Variants in FGR observed in about 807,000 individuals in gnomAD.
The protein encoded by FGR is FGR proto-oncogene, Src family tyrosine kinase, also known as tyrosine-protein kinase Fgr.
Under a neutral mutation model 63.2 loss-of-function variants are expected in FGR, and 26 were observed. The ratio of observed to expected loss-of-function variants is 0.41; its 90% confidence interval spans 0.30 to 0.57. FGR has a LOEUF of 0.57. FGR is among the 20% of genes least tolerant of loss of function. The pLI is 0.27. For missense variants in FGR, 511 were observed against 690.8 expected (o/e 0.74, Z 2.92); for synonymous variants, 286 against 277.7 (o/e 1.03, Z -0.30).
chr1:27,621,034 A>G (rs1476228078), intron 5 of FGR, among the ~76,000 whole-genome samples: 3 of 150,604 alleles, frequency 2.0e-5, no homozygotes, highest in Non-Finnish European at 4.4e-5. Context: ...GAAAGAAAGA[A>G]AAGAAAAGAA....
chr1:27,632,566 C>T (rs1033615544), intron 1 of FGR, among the ~76,000 whole-genome samples: 9 of 152,124 alleles, frequency 5.9e-5, no homozygotes, highest in East Asian at 1.9e-4. Flanking sequence ...TGTGCAGGAT[C>T]GGGGGTGGCC....
At chr1:27,621,497 CCT>C in intron 5 of FGR, 60 bp downstream of exon 5, 1 of 1,196,968 alleles carries the variant, frequency 8.4e-7, no homozygotes, top group Non-Finnish European at 1.2e-6. Flanking sequence ...CAAGAGGTGG[CCT>C]TGGAGTCTGG....
chr1:27,613,824 T>A (rs1392175077), intron 11 of FGR, among the ~76,000 whole-genome samples: 2 of 151,982 alleles, frequency 1.3e-5, no homozygotes, highest in African/African-American at 4.8e-5. Context: ...CAACACCTAC[T>A]ATGTGTCTAG....
chr1:27,631,969 T>C (rs954996937), intron 1 of FGR, among the ~76,000 whole-genome samples: 7 of 152,030 alleles, frequency 4.6e-5, no homozygotes, highest in Admixed American at 3.9e-4. Context: ...CATCCCACTG[T>C]GCCGCATCTC....
chr1:27,618,323 C>A (rs1387272182), intron 5 of FGR, among the ~76,000 whole-genome samples: 1 of 152,168 alleles, frequency 6.6e-6, no homozygotes, highest in Non-Finnish European at 1.5e-5. Context: ...TAATAACACA[C>A]ATATTTCGTG....
intron 1 of FGR, among the ~76,000 whole-genome samples, chr1:27,633,899 C>T (rs2090140898): frequency 6.6e-6 from 1 of 152,152 alleles, no homozygotes; most frequent in Admixed American, 6.5e-5. Flanking sequence ...GAAGAGTGGA[C>T]ACAAGGATCA....
At chr1:27,623,560 G>T in intron 3 of FGR, 131 bp downstream of exon 3, 1 of 911,464 alleles carries the variant, frequency 1.1e-6, no homozygotes, top group Non-Finnish European at 1.8e-6. Flanking sequence ...CTCAGCCCAT[G>T]TGATCTTGAA....
chr1:27,630,847 C>G (rs1009961258), intron 1 of FGR, among the ~76,000 whole-genome samples: 1 of 152,020 alleles, frequency 6.6e-6, no homozygotes, highest in Non-Finnish European at 1.5e-5. Flanking sequence ...GAGGTCCAAC[C>G]CTGGACCGCA....
Position 27,635,101 on chromosome 1 carries a change from G to T in FGR, c.-113C>A, listed in dbSNP as rs1022335452. 6.6e-6 allele frequency: 1 copy of T among 152,330 alleles called. No homozygotes were observed. The highest frequency in any genetic ancestry group is 1.5e-5 in the Non-Finnish European group (1 of 68,130). 9.4% of individuals were successfully genotyped at this position (152,330 alleles called of 1,614,324 possible). ...TTCTGCCCGGCCCCGGGGTGAGCCA[G>T]CCGGGGCTCCAGCAGCCGCGAGTGC... On this transcript the variant is annotated 5_prime_UTR_variant, in exon 1 of 13. In the 5' UTR this introduces an upstream ATG that the reference lacks. Coordinates refer to ENST00000374005, the MANE Select transcript of FGR (RefSeq NM_005248.3).
rs2089758852 is a variant in FGR at position 27,614,414 on chromosome 1, G to C, written c.1249+16C>G. ...TTGCATGGGGAGCTCTTGGAAGGTG[G>C]GGTGAAGCAGGGCACCTTGGCAGGG... On this transcript the variant is annotated intron_variant, in intron 11 of 12. Transcript: ENST00000374005. 1 of 1,606,692 alleles carries C rather than the reference G, an allele frequency of 6.2e-7. No homozygotes were observed. The highest frequency in any genetic ancestry group is 2.2e-5 in the East Asian group (1 of 44,692).
intron 5 of FGR, 81 bp downstream of exon 5, chr1:27,621,478 T>A (rs2089924135): frequency 1.0e-6 from 1 of 957,636 alleles, no homozygotes; most frequent in African/African-American, 1.6e-5. Flanking sequence ...ACTGGAGCAA[T>A]GACTTGTCCA....
chr1:27,627,522 T>G (rs1335943926), intron 1 of FGR, among the ~76,000 whole-genome samples: 3 of 152,178 alleles, frequency 2.0e-5, no homozygotes, highest in Non-Finnish European at 2.9e-5. Flanking sequence ...TAGCGCTTAC[T>G]ATATGCGCTG....
chr1:27,622,119 CT>C (rs1220511384), intron 4 of FGR, among the ~76,000 whole-genome samples: 1 of 152,048 alleles, frequency 6.6e-6, no homozygotes, highest in Non-Finnish European at 1.5e-5. Context: ...CGAGACCATC[CT>C]GGCCAACATG....
intron 1 of FGR, among the ~76,000 whole-genome samples, chr1:27,627,144 C>G (rs2090034472): frequency 6.6e-6 from 1 of 151,994 alleles, no homozygotes; most frequent in Non-Finnish European, 1.5e-5. Flanking sequence ...TGCACTCCAG[C>G]CTGGGAGACA....
chr1:27,615,965 A>G lies in FGR; in HGVS notation c.683-121T>C. ...GTTATAAGGAACTAGGCCCCAAGTGAGGTCACAGGCCAGGAAGAAAGGCAA... is the reference window on the plus strand; with the variant it reads ...GTTATAAGGAACTAGGCCCCAAGTGGGGTCACAGGCCAGGAAGAAAGGCAA... On this transcript the variant is annotated intron_variant, in intron 7 of 12. Transcript: ENST00000374005. This position sits in a 1 kb window ranked among gnomAD's most constrained non-coding sequence, Gnocchi z 7.6. 8.8e-7 allele frequency: 1 copy of G among 1,141,580 alleles called. No homozygotes were observed. Among genetic ancestry groups the G allele is most frequent in the Non-Finnish European group, 1.2e-6 (1 of 830,966 alleles). The allele number at this position is 1,141,580 out of a possible 1,614,324, so 70.7% of individuals were successfully genotyped here.
chr1:27,612,712 C>T lies in FGR; in HGVS notation c.*202G>A. The T allele has an allele frequency of 2.1e-5, 12 of 580,062 alleles. No homozygotes were observed. The highest frequency in any genetic ancestry group is 1.5e-4 in the South Asian group (7 of 47,692). The allele number at this position is 580,062 out of a possible 1,614,324, so 35.9% of individuals were successfully genotyped here. ...GAAGAAATAGTGCTTGGGGCCAGAG[C>T]GGATGAGAGATCAGCTCTGGGCCTC... On this transcript the variant is annotated 3_prime_UTR_variant, in exon 13 of 13. Transcript: ENST00000374005.
intron 11 of FGR, 59 bp downstream of exon 11, chr1:27,614,371 C>T (rs1288117172): frequency 6.4e-6 from 10 of 1,566,752 alleles, no homozygotes; most frequent in Admixed American, 1.8e-5. Flanking sequence ...GTGCGTGGGG[C>T]CCCATGGAAG....
chr1:27,627,639 A>G (rs550892523), intron 1 of FGR, among the ~76,000 whole-genome samples: 12 of 151,940 alleles, frequency 7.9e-5, no homozygotes, highest in Admixed American at 3.9e-4. Context: ...AGGGAGTTTC[A>G]CTCTTGTCAC....
intron 11 of FGR, 131 bp downstream of exon 11, chr1:27,614,299 G>C (rs2089755645): frequency 2.9e-6 from 3 of 1,051,228 alleles, no homozygotes; most frequent in Non-Finnish European, 4.0e-6. Flanking sequence ...GCCCAGAATT[G>C]CCTCTCATAC....
Sources: gnomAD v4.1 joint callset for allele counts (sites outside exome capture counted in the v4.1 genomes callset) on GRCh38, gnomAD v4.1.1 for gene constraint, Gnocchi (gnomAD v3.1) non-coding constraint, MANE v1.5 for transcripts, NCBI Gene and HGNC (gene_info 2026-07-23, HGNC 2026-07-21) for gene names.